ROBO2: variants seen among roughly 807,000 people sequenced by gnomAD.
ROBO2 encodes roundabout homolog 2.
Under a neutral mutation model 160.8 loss-of-function variants are expected in ROBO2, and 53 were observed. The observed-to-expected ratio is 0.33, with a 90% CI of 0.26 to 0.41. ROBO2 has a LOEUF of 0.41. Ranked by LOEUF, ROBO2 falls within the 10% of genes least tolerant of loss-of-function variation. ROBO2 has a pLI of 1.00. For missense variants in ROBO2, 1,577 were observed against 1,722.4 expected (o/e 0.92, Z 1.49); for synonymous variants, 664 against 611.7 (o/e 1.09, Z -1.26).
chr3:76,130,897 C>T (rs114629249), intron 2 of ROBO2, among the ~76,000 whole-genome samples: 1,678 of 152,208 alleles, frequency 0.011, 34 homozygotes, highest in African/African-American at 0.035. Flanking sequence ...ATTCTGATTT[C>T]AAGCTCTTTG....
At chr3:77,429,228 T>A (rs1025547004) in intron 2 of ROBO2, among the ~76,000 whole-genome samples, 2 of 152,160 alleles carry the variant, frequency 1.3e-5, no homozygotes, top group African/African-American at 4.8e-5. Context: ...ATCTCTGCAT[T>A]ACATTTTATT....
chr3:77,252,087 A>G (rs1282390110), intron 2 of ROBO2, among the ~76,000 whole-genome samples: 1 of 152,226 alleles, frequency 6.6e-6, no homozygotes. Context: ...AGCACTTTGA[A>G]CACTGTGCTA....
At chr3:77,429,490 G>C (rs535731973) in intron 2 of ROBO2, among the ~76,000 whole-genome samples, 1 of 151,928 alleles carries the variant, frequency 6.6e-6, no homozygotes, top group Non-Finnish European at 1.5e-5. Context: ...CTATTTTGCT[G>C]GTCTCTGAGG....
At chr3:76,569,124 A>C (rs557942779) in intron 2 of ROBO2, among the ~76,000 whole-genome samples, 1 of 152,290 alleles carries the variant, frequency 6.6e-6, no homozygotes, top group South Asian at 2.1e-4. Flanking sequence ...ACCCATCTAT[A>C]TTTTCTAACA....
intron 2 of ROBO2, among the ~76,000 whole-genome samples, chr3:77,140,138 A>G (rs532808408): frequency 6.6e-6 from 1 of 152,328 alleles, no homozygotes; most frequent in South Asian, 2.1e-4. Context: ...GAGCGTCCTG[A>G]TTGAATGCAA....
At chr3:77,538,170 C>CTTTTTTTTTT (rs59409802) in intron 6 of ROBO2, among the ~76,000 whole-genome samples, 4 of 102,518 alleles carry the variant, frequency 3.9e-5, no homozygotes, top group Non-Finnish European at 1.9e-5. Flanking sequence ...TGATCATTTA[C>CTTTTTTTTTT]TTTTTTTTTT....
At chr3:76,601,129 G>A (rs2087108778) in intron 2 of ROBO2, among the ~76,000 whole-genome samples, 1 of 152,196 alleles carries the variant, frequency 6.6e-6, no homozygotes, top group South Asian at 2.1e-4. Flanking sequence ...CAAGAGGTGG[G>A]TTCCCATGGT....
In ROBO2 at chr3:76,824,377, G is replaced by A. The variant is rs555999912; in HGVS notation, c.110-273637G>A. On this transcript the variant is annotated intron_variant, in intron 2 of 26. Transcript: ENST00000487694. The stretch of plus-strand genomic sequence containing the variant: ...CTTCCAGAGTGCTGGGATTATAGGC[G>A]GGGGCCACAGTGCCTGGCCTCAATT... Among the ~76,000 whole-genome samples, 38 of 152,254 alleles carry A rather than the reference G, an allele frequency of 2.5e-4. No homozygotes were observed. In the South Asian group the frequency reaches 5.6e-3, roughly 22 times the overall value.
chr3:76,962,300 C>T (rs1208249964), intron 2 of ROBO2, among the ~76,000 whole-genome samples: 1 of 151,482 alleles, frequency 6.6e-6, no homozygotes, highest in East Asian at 2.0e-4. Context: ...ATACATTGCA[C>T]TCCAGCCTTG....
chr3:76,388,942 C>T (rs999574019), intron 2 of ROBO2, among the ~76,000 whole-genome samples: 2 of 152,000 alleles, frequency 1.3e-5, no homozygotes, highest in African/African-American at 2.4e-5. Context: ...TTTCTGTGCC[C>T]ACTTTAATTT....
intron 2 of ROBO2, among the ~76,000 whole-genome samples, chr3:76,446,090 A>G (rs1196552394): frequency 6.6e-6 from 1 of 152,172 alleles, no homozygotes; most frequent in Non-Finnish European, 1.5e-5. Context: ...GGAAAAGAGG[A>G]AGTCAAATTG....
chr3:76,546,786 C>A (rs528233579), intron 2 of ROBO2, among the ~76,000 whole-genome samples: 1 of 151,082 alleles, frequency 6.6e-6, no homozygotes, highest in African/African-American at 2.5e-5. Flanking sequence ...AAGTCTAACA[C>A]GAGTTTTTTT....
At position 76,474,977 on chromosome 3, in the gene ROBO2, T is replaced by A. The variant is rs993769167; in HGVS notation, c.109+537375T>A. On this transcript the variant is annotated intron_variant, in intron 2 of 26. Coordinates refer to the ROBO2 transcript ENST00000487694. ...TAACAAGCCCAACCAAACGGTGCTTTGAACGCCCTACTTCCATCGTCAGCC... is the reference window on the plus strand; with the variant it reads ...TAACAAGCCCAACCAAACGGTGCTTAGAACGCCCTACTTCCATCGTCAGCC... Among the ~76,000 whole-genome samples the A allele has an allele frequency of 1.2e-3, 180 of 152,066 alleles. 4 individuals carry two copies. The highest frequency in any genetic ancestry group is 2.9e-4 in the Non-Finnish European group (20 of 68,006).
chr3:77,060,386 G>T lies in ROBO2; in HGVS notation c.61+19540G>T, dbSNP rs913603052. 1.3e-5 allele frequency among the ~76,000 whole-genome samples: 2 copies of T among 152,154 alleles called. 1 individual carries two copies. The highest frequency in any genetic ancestry group is 1.3e-4 in the Admixed American group (2 of 15,272). ...ATTCCGCATCTAGTCCATTCTACAG[G>T]TGGAAAATAAAACTCGAGAACAATG... On this transcript the variant is annotated intron_variant, in intron 1 of 25. Coordinates refer to ENST00000461745, the Ensembl canonical transcript of ROBO2.
intron 2 of ROBO2, among the ~76,000 whole-genome samples, chr3:76,266,192 C>T (rs182233122): frequency 5.1e-4 from 78 of 152,180 alleles, no homozygotes; most frequent in African/African-American, 1.9e-3. Flanking sequence ...ATTCCTGCAT[C>T]CCAGCGATAA....
At chr3:77,259,746 C>T (rs146401145) in intron 2 of ROBO2, among the ~76,000 whole-genome samples, 67 of 152,270 alleles carry the variant, frequency 4.4e-4, no homozygotes, top group African/African-American at 1.5e-3. Context: ...CAATCACTTC[C>T]GTGCTTTGTC....
chr3:77,640,529 C>G (rs1406354266), intron 24 of ROBO2, among the ~76,000 whole-genome samples: 1 of 152,060 alleles, frequency 6.6e-6, no homozygotes, highest in African/African-American at 2.4e-5. Flanking sequence ...GTCTGGAGTT[C>G]ATGGGAGGAA....
intron 2 of ROBO2, among the ~76,000 whole-genome samples, chr3:76,775,235 T>C (rs1576551087): frequency 6.6e-6 from 1 of 150,724 alleles, no homozygotes; most frequent in East Asian, 2.0e-4. Context: ...ATGTTTTTAC[T>C]GTTTTGACAG....
intron 2 of ROBO2, among the ~76,000 whole-genome samples, chr3:76,925,624 T>C (rs1186098949): frequency 1.3e-5 from 2 of 152,200 alleles, no homozygotes; most frequent in African/African-American, 2.4e-5. Flanking sequence ...AATGCACTTT[T>C]CATATTCACA....
Sources: allele counts gnomAD v4.1 joint callset (sites outside exome capture counted in the v4.1 genomes callset), GRCh38; gene constraint gnomAD v4.1.1; transcripts MANE v1.5; gene names NCBI Gene and HGNC (gene_info 2026-07-23, HGNC 2026-07-21).